DYM: variants seen among roughly 807,000 people sequenced by gnomAD.
The protein encoded by DYM is dymeclin, also known as dyggve-Melchior-Clausen syndrome protein.
DYM carries 78 observed loss-of-function variants against 93.1 expected under a neutral mutation model. The ratio of observed to expected loss-of-function variants is 0.84; its 90% CI spans 0.70 to 1.01. The LOEUF is 1.01. DYM is among the 50% of genes least tolerant of loss of function. DYM has a pLI of 0.00. For synonymous variants in DYM, 321 were observed against 319.7 expected (o/e 1.00, Z -0.04); for missense variants, 789 against 845.0 (o/e 0.93, Z 0.82).
intron 8 of DYM, among the ~76,000 whole-genome samples, chr18:49,322,791 C>T (rs1334569174): frequency 6.6e-6 from 1 of 152,044 alleles, no homozygotes; most frequent in African/African-American, 2.4e-5. Flanking sequence ...ATATCTGATA[C>T]TAATAGTGAC....
intron 17 of DYM, among the ~76,000 whole-genome samples, chr18:49,049,300 G>A (rs1404772595): frequency 6.6e-6 from 1 of 152,162 alleles, no homozygotes; most frequent in Non-Finnish European, 1.5e-5. Context: ...GATAATTTGA[G>A]TTTCAGTCCC....
At chr18:49,382,415 T>C (rs2068133673) in intron 3 of DYM, among the ~76,000 whole-genome samples, 1 of 152,210 alleles carries the variant, frequency 6.6e-6, no homozygotes. Context: ...TAAAATTAAA[T>C]ACACTCAATG....
chr18:49,080,904 T>G (rs2077928147), intron 17 of DYM, among the ~76,000 whole-genome samples: 2 of 124,608 alleles, frequency 1.6e-5, no homozygotes, highest in Admixed American at 8.1e-5. Flanking sequence ...TCTCAGACGA[T>G]GGGCGGCCGA....
intron 17 of DYM, among the ~76,000 whole-genome samples, chr18:49,080,625 G>A (rs2077851732): frequency 6.8e-6 from 1 of 147,670 alleles, no homozygotes; most frequent in African/African-American, 2.5e-5. Flanking sequence ...CGGGGCGGCT[G>A]GCCGGGCGGG....
At chr18:49,198,755 T>C (rs1286181121) in intron 14 of DYM, among the ~76,000 whole-genome samples, 1 of 151,522 alleles carries the variant, frequency 6.6e-6, no homozygotes, top group Admixed American at 6.6e-5. Flanking sequence ...TGTGGAGAAA[T>C]AGGAACACTT....
intron 8 of DYM, among the ~76,000 whole-genome samples, chr18:49,328,813 G>A (rs1352968386): frequency 6.6e-6 from 1 of 152,162 alleles, no homozygotes; most frequent in Non-Finnish European, 1.5e-5. Context: ...GGAGAAATAG[G>A]AACACTTTTA....
intron 5 of DYM, among the ~76,000 whole-genome samples, chr18:49,374,848 A>G (rs1191167583): frequency 6.6e-6 from 1 of 152,092 alleles, no homozygotes; most frequent in Non-Finnish European, 1.5e-5. Flanking sequence ...AATCCCAGAT[A>G]CTTGGGAGGC....
intron 10 of DYM, among the ~76,000 whole-genome samples, chr18:49,280,706 T>C (rs1034957838): frequency 1.3e-5 from 2 of 152,220 alleles, no homozygotes; most frequent in African/African-American, 2.4e-5. Context: ...CGTCTGTGTC[T>C]GGTGACATCT....
At chr18:49,140,589 C>A (rs570206222) in intron 15 of DYM, among the ~76,000 whole-genome samples, 1 of 152,234 alleles carries the variant, frequency 6.6e-6, no homozygotes, top group South Asian at 2.1e-4. Flanking sequence ...CATTTAGCAA[C>A]TATAAGGTTT....
intron 8 of DYM, among the ~76,000 whole-genome samples, chr18:49,323,095 G>C (rs558604529): frequency 2.0e-5 from 3 of 152,258 alleles, no homozygotes; most frequent in South Asian, 2.1e-4. Flanking sequence ...CTCAAAATTA[G>C]AAAAGAGAAT....
chr18:49,359,030 C>T (rs1047106683), intron 6 of DYM, among the ~76,000 whole-genome samples: 3 of 152,226 alleles, frequency 2.0e-5, no homozygotes, highest in African/African-American at 4.8e-5. Flanking sequence ...AAGTCTCATT[C>T]AGCCCTTATA....
chr18:49,135,984 C>A (rs1336268476), intron 15 of DYM, among the ~76,000 whole-genome samples: 1 of 152,214 alleles, frequency 6.6e-6, no homozygotes, highest in Non-Finnish European at 1.5e-5. Flanking sequence ...TAATGAATGG[C>A]ATCAATGCCT....
intron 3 of DYM, among the ~76,000 whole-genome samples, chr18:49,382,711 T>C (rs958996201): frequency 1.3e-5 from 2 of 152,180 alleles, no homozygotes; most frequent in Admixed American, 6.5e-5. Context: ...AGTTTCCTCA[T>C]CTGTAAAATT....
intron 12 of DYM, among the ~76,000 whole-genome samples, chr18:49,258,063 C>G (rs2094423095): frequency 6.6e-6 from 1 of 152,118 alleles, no homozygotes; most frequent in South Asian, 2.1e-4. Flanking sequence ...CTCATATCCT[C>G]TTGTACTTTG....
At chr18:49,412,517 T>C (rs1288393001) in intron 2 of DYM, among the ~76,000 whole-genome samples, 1 of 152,168 alleles carries the variant, frequency 6.6e-6, no homozygotes. Flanking sequence ...TTGAAAAATA[T>C]AATAAGATGC....
intron 2 of DYM, among the ~76,000 whole-genome samples, chr18:49,408,839 G>C (rs981488602): frequency 1.3e-5 from 2 of 152,056 alleles, no homozygotes; most frequent in Non-Finnish European, 2.9e-5. Flanking sequence ...AGAGGGACGG[G>C]GCACATAAAT....
Position 49,038,649 on chromosome 18 carries a change from G to A in DYM, c.*5406C>T, listed in dbSNP as rs2070790201. Among the ~76,000 whole-genome samples the A allele has an allele frequency of 6.6e-6, 1 of 152,130 alleles. No individual in the cohort carries two copies. The highest frequency in any genetic ancestry group is 1.5e-5 in the Non-Finnish European group (1 of 68,004). ...TCCATTTACATTTAGTGTAATAATG[G>A]ATTTATCACAAATATCTTGCTTTCT... On this transcript the variant is annotated 3_prime_UTR_variant, in exon 18 of 18. Coordinates refer to ENST00000675505, the MANE Select transcript of DYM (RefSeq NM_001353214.3).
chr18:49,106,283 C>T (rs1243902170), intron 16 of DYM, among the ~76,000 whole-genome samples: 6 of 152,106 alleles, frequency 3.9e-5, no homozygotes, highest in Non-Finnish European at 5.9e-5. Flanking sequence ...TCCCTTTATT[C>T]TGAGCCTATT....
At chr18:49,221,414 C>T (rs1319937299) in intron 13 of DYM, among the ~76,000 whole-genome samples, 1 of 151,890 alleles carries the variant, frequency 6.6e-6, no homozygotes, top group Non-Finnish European at 1.5e-5. Flanking sequence ...GGGTATATAC[C>T]CAAAGGATTA....
Sources: gnomAD v4.1 joint callset for allele counts (sites outside exome capture counted in the v4.1 genomes callset) on GRCh38, gnomAD v4.1.1 for gene constraint, MANE v1.5 for transcripts, NCBI Gene and HGNC (gene_info 2026-07-23, HGNC 2026-07-21) for gene names.